The following SORCS3 variants were observed in gnomAD, a reference collection of about 807,000 sequenced individuals.
The protein encoded by SORCS3 is VPS10 domain-containing receptor SorCS3.
Under a neutral mutation model 146.3 loss-of-function variants are expected in SORCS3, and 57 were observed. That is an observed-to-expected ratio of 0.39 (90% confidence interval 0.31 to 0.49). The LOEUF (loss-of-function observed/expected upper bound fraction) is 0.49, where lower values mean the gene tolerates loss of function less well. SORCS3 is among the 20% of genes least tolerant of loss of function. SORCS3 has a pLI of 0.92. For synonymous variants in SORCS3, 653 were observed against 618.5 expected, an observed-to-expected ratio of 1.06 and a Z score of -0.83; for missense variants, 1,341 against 1,575.5, an observed-to-expected ratio of 0.85 and a Z score of 2.52.
intron 3 of SORCS3, among the ~76,000 whole-genome samples, chr10:104,923,416 C>G (rs1183425095): frequency 6.6e-6 from 1 of 152,184 alleles, no homozygotes; most frequent in Non-Finnish European, 1.5e-5. Flanking sequence ...CCTGGGCTAT[C>G]TTTTCTGAAG....
chr10:105,219,333 A>G (rs1466426112), intron 19 of SORCS3, among the ~76,000 whole-genome samples: 1 of 152,238 alleles, frequency 6.6e-6, no homozygotes, highest in African/African-American at 2.4e-5. Context: ...GAGTTGTAAC[A>G]TGTATAAAAA....
At chr10:105,206,679 A>G (rs901042086) in intron 16 of SORCS3, among the ~76,000 whole-genome samples, 2 of 152,216 alleles carry the variant, frequency 1.3e-5, no homozygotes, top group African/African-American at 4.8e-5. Flanking sequence ...TTTCTGAAAT[A>G]GTTGGGATAT....
At chr10:104,842,232 T>C (rs1005582637) in intron 1 of SORCS3, among the ~76,000 whole-genome samples, 2 of 152,312 alleles carry the variant, frequency 1.3e-5, no homozygotes, top group South Asian at 4.1e-4. Context: ...TGATACATGG[T>C]CGAAGGCAGA....
intron 1 of SORCS3, among the ~76,000 whole-genome samples, chr10:104,819,438 C>T (rs1418128680): frequency 6.6e-6 from 1 of 152,210 alleles, no homozygotes; most frequent in African/African-American, 2.4e-5. Context: ...CACCCACACA[C>T]ATATCCACTC....
intron 1 of SORCS3, among the ~76,000 whole-genome samples, chr10:104,667,487 A>C (rs951241732): frequency 3.9e-5 from 6 of 152,216 alleles, no homozygotes; most frequent in South Asian, 2.1e-4. Context: ...TTACCCAAGG[A>C]TCAGGCTCTA....
intron 9 of SORCS3, among the ~76,000 whole-genome samples, chr10:105,151,536 G>A (rs921114519): frequency 1.3e-5 from 2 of 152,090 alleles, no homozygotes; most frequent in Admixed American, 1.3e-4. Context: ...CAGATATCAG[G>A]TAGCTTGGGC....
At chr10:104,704,734 T>C (rs868709949) in intron 1 of SORCS3, among the ~76,000 whole-genome samples, 24 of 152,294 alleles carry the variant, frequency 1.6e-4, no homozygotes, top group Middle Eastern at 3.4e-3. Flanking sequence ...GCCTGTAAAA[T>C]AGCAAACATG....
chr10:105,057,801 T>C (rs776660148), intron 5 of SORCS3, among the ~76,000 whole-genome samples: 3 of 152,224 alleles, frequency 2.0e-5, no homozygotes, highest in Admixed American at 1.3e-4. Context: ...GCCTTCTTCC[T>C]GTATACATGT....
intron 1 of SORCS3, among the ~76,000 whole-genome samples, chr10:104,771,544 G>A (rs1342199190): frequency 2.0e-5 from 3 of 152,234 alleles, no homozygotes; most frequent in East Asian, 1.9e-4. Flanking sequence ...CTTTTGGGGT[G>A]GCAGGCTATC....
intron 1 of SORCS3, chr10:104,665,880 T>C (rs1236318780): frequency 6.6e-6 from 1 of 152,198 alleles, no homozygotes; most frequent in Non-Finnish European, 1.5e-5. Context: ...AATCTAAGGC[T>C]CTGGTAAGGA....
intron 7 of SORCS3, among the ~76,000 whole-genome samples, chr10:105,136,220 C>T (rs117518258): frequency 3.6e-4 from 55 of 152,270 alleles, no homozygotes; most frequent in Non-Finnish European, 7.1e-4. Context: ...AAGACCCCTG[C>T]AGGTTTGATG....
At chr10:105,082,011 C>T (rs913424422) in intron 5 of SORCS3, among the ~76,000 whole-genome samples, 3 of 152,100 alleles carry the variant, frequency 2.0e-5, no homozygotes, top group African/African-American at 2.4e-5. Flanking sequence ...GTATTATAAC[C>T]GTTCATTCAA....
intron 1 of SORCS3, among the ~76,000 whole-genome samples, chr10:104,731,995 T>C (rs1451529013): frequency 6.6e-6 from 1 of 152,224 alleles, no homozygotes; most frequent in Non-Finnish European, 1.5e-5. Context: ...CCTCAGTTTC[T>C]TTAACACTGG....
intron 5 of SORCS3, among the ~76,000 whole-genome samples, chr10:105,054,570 CT>C (rs367989644): frequency 1.3e-3 from 187 of 143,040 alleles, no homozygotes; most frequent in Admixed American, 1.3e-3. Flanking sequence ...TATAGGATTT[CT>C]TTTTTTTTTT....
chr10:104,882,789 G>A (rs946779047), intron 2 of SORCS3, among the ~76,000 whole-genome samples: 1 of 152,164 alleles, frequency 6.6e-6, no homozygotes, highest in African/African-American at 2.4e-5. Flanking sequence ...CACAGACTGG[G>A]ATGATAGCAT....
intron 1 of SORCS3, among the ~76,000 whole-genome samples, chr10:104,762,687 G>A (rs141249878): frequency 6.9e-4 from 105 of 152,218 alleles, no homozygotes; most frequent in African/African-American, 1.9e-3. Flanking sequence ...GTGAGTTTTC[G>A]AGAGATGTGA....
At chr10:105,084,401 A>T (rs1381127059) in intron 5 of SORCS3, among the ~76,000 whole-genome samples, 4 of 152,128 alleles carry the variant, frequency 2.6e-5, no homozygotes, top group Non-Finnish European at 5.9e-5. Context: ...TATGATTTCC[A>T]CTTTTCCTTA....
intron 4 of SORCS3, among the ~76,000 whole-genome samples, chr10:105,005,685 T>G (rs904684549): frequency 3.3e-5 from 5 of 152,162 alleles, no homozygotes; most frequent in Admixed American, 2.0e-4. Flanking sequence ...GAAGAGCCCT[T>G]GAGCACAGTT....
intron 1 of SORCS3, among the ~76,000 whole-genome samples, chr10:104,795,161 A>C (rs2017540433): frequency 6.6e-6 from 1 of 152,230 alleles, no homozygotes; most frequent in South Asian, 2.1e-4. Flanking sequence ...ATTTATAACA[A>C]AATAGTATAC....
Sources: allele counts gnomAD v4.1 joint callset (sites outside exome capture counted in the v4.1 genomes callset), GRCh38; gene constraint gnomAD v4.1.1; transcripts MANE v1.5; gene names NCBI Gene and HGNC (gene_info 2026-07-23, HGNC 2026-07-21).